The following GLIS1 variants were observed in gnomAD, a reference collection of about 807,000 sequenced individuals.
GLIS1 encodes the protein GLIS family zinc finger 1.
Under a neutral mutation model 63.8 loss-of-function variants are expected in GLIS1, and 24 were observed. That is an observed-to-expected ratio of 0.38 (90% CI 0.27 to 0.53). GLIS1 has a LOEUF of 0.53. GLIS1 is among the 20% of genes least tolerant of loss of function. GLIS1 has a pLI of 0.85. For missense variants in GLIS1, 1,036 were observed against 1,074.1 expected (o/e 0.96, Z 0.50); for synonymous variants, 450 against 482.5 (o/e 0.93, Z 0.88).
chr1:53,610,054 T>C (rs1176542995), intron 2 of GLIS1, among the ~76,000 whole-genome samples: 1 of 152,252 alleles, frequency 6.6e-6, no homozygotes, highest in Non-Finnish European at 1.5e-5. Flanking sequence ...GTGCAGTGCA[T>C]AAATGTACTT....
At chr1:53,552,554 TC>T (rs1450391180) in intron 4 of GLIS1, among the ~76,000 whole-genome samples, 1 of 152,368 alleles carries the variant, frequency 6.6e-6, no homozygotes, top group Non-Finnish European at 1.5e-5. Context: ...CCTCTGGTTT[TC>T]CTCTGGGGTG....
rs1557496435 is a variant in GLIS1, at chr1:53,639,970, TAACA to T, written c.260-39696_260-39693del. ...TCCACAGAAACAGGGATACTACACT[TAACA>T]AACACGAGCATGGTGAGATTTAAAT... On this transcript the variant is annotated intron_variant, in intron 2 of 10. Transcript: ENST00000628545. The surrounding 1 kb of genome is among the most constrained non-coding windows in gnomAD (Gnocchi z 4.6). Among the ~76,000 whole-genome samples, 1 of 152,204 alleles carries T rather than the reference TAACA, an allele frequency of 6.6e-6. No homozygotes were observed. Among genetic ancestry groups the T allele is most frequent in the Non-Finnish European group, 1.5e-5 (1 of 68,042 alleles).
At chr1:53,664,853 G>A (rs940303391) in intron 2 of GLIS1, among the ~76,000 whole-genome samples, 1 of 152,162 alleles carries the variant, frequency 6.6e-6, no homozygotes, top group African/African-American at 2.4e-5. Context: ...TTTCTTGGGG[G>A]ACAGTATTCC....
At chr1:53,528,483 G>A (rs1024622666) in intron 5 of GLIS1, among the ~76,000 whole-genome samples, 4 of 152,160 alleles carry the variant, frequency 2.6e-5, no homozygotes, top group African/African-American at 9.7e-5. Context: ...CCCCATCTTG[G>A]TTGGTCACCA....
chr1:53,530,025 A>AG, intron 4 of GLIS1, 73 bp from the exon 5 acceptor site: 1 of 1,450,532 alleles, frequency 6.9e-7, no homozygotes, highest in East Asian at 2.4e-5. Flanking sequence ...CTAACCCCCC[A>AG]GGCCTGCCTG....
chr1:53,514,730 A>G lies in GLIS1; in HGVS notation c.1778T>C (p.Leu593Pro), dbSNP rs575417991. The change falls in exon 8 of 11, where the codon CTG (leucine) becomes CCG (proline). Residue 593 changes from leucine to proline, a missense_variant. By Grantham distance (98) the Leu-to-Pro change is moderately conservative. This residue lies in a region of GLIS1 where 400 missense variants were observed against 400.9 expected (regional missense o/e 1.00). Coordinates refer to ENST00000628545, the MANE Select transcript of GLIS1 (RefSeq NM_001367484.1). ...TPHNGLASGL[L>P]PPAHDVPSRH... Reference sequence around the variant, plus strand: ...GGAAGGTACGTCGTGCGCTGGGGGCAGGAGGCCCGATGCAAGTCCGTTATG... The same window carrying G: ...GGAAGGTACGTCGTGCGCTGGGGGCGGGAGGCCCGATGCAAGTCCGTTATG... The G allele has an allele frequency of 6.2e-7, 1 of 1,612,024 alleles. No individual in the cohort carries two copies. The highest frequency in any genetic ancestry group is 1.3e-5 in the African/African-American group (1 of 74,886).
chr1:53,604,861 C>T (rs368760766), intron 2 of GLIS1, among the ~76,000 whole-genome samples: 3 of 151,604 alleles, frequency 2.0e-5, no homozygotes, highest in East Asian at 3.9e-4. Context: ...GTATATAGTC[C>T]CTGCCACAAC....
chr1:53,559,472 C>T (rs1003958597), intron 4 of GLIS1, among the ~76,000 whole-genome samples: 4 of 152,200 alleles, frequency 2.6e-5, no homozygotes, highest in South Asian at 2.1e-4. Flanking sequence ...CCCATCCTTC[C>T]GAGCCTGCTC....
intron 2 of GLIS1, among the ~76,000 whole-genome samples, chr1:53,605,579 T>C (rs149145772): frequency 2.0e-5 from 3 of 152,354 alleles, no homozygotes; most frequent in African/African-American, 7.2e-5. Context: ...TACTCTCTAC[T>C]GCCACACAGA....
intron 2 of GLIS1, among the ~76,000 whole-genome samples, chr1:53,667,246 G>A (rs915228257): frequency 2.6e-5 from 4 of 152,202 alleles, no homozygotes; most frequent in Non-Finnish European, 5.9e-5. Flanking sequence ...TTCACTCCAG[G>A]TGTATCAACC....
intron 4 of GLIS1, among the ~76,000 whole-genome samples, chr1:53,549,948 C>T (rs1308013913): frequency 2.6e-5 from 4 of 152,182 alleles, no homozygotes; most frequent in Non-Finnish European, 4.4e-5. Context: ...GGGAAGGTCA[C>T]GCCCACCCTT....
chr1:53,709,894 G>A (rs1646628398), intron 2 of GLIS1, among the ~76,000 whole-genome samples: 1 of 152,186 alleles, frequency 6.6e-6, no homozygotes, highest in Non-Finnish European at 1.5e-5. Flanking sequence ...AAGCCTTATT[G>A]TTGGGAGACT....
intron 2 of GLIS1, among the ~76,000 whole-genome samples, chr1:53,728,866 C>G (rs1488084238): frequency 6.6e-6 from 1 of 152,238 alleles, no homozygotes; most frequent in African/African-American, 2.4e-5. Flanking sequence ...GATCAAAGGG[C>G]TCAGATTTTT....
chr1:53,681,663 G>A (rs1312525470), intron 2 of GLIS1, among the ~76,000 whole-genome samples: 1 of 152,176 alleles, frequency 6.6e-6, no homozygotes, highest in Non-Finnish European at 1.5e-5. Flanking sequence ...CTACTAAGGA[G>A]AGGTAGGAAA....
At chr1:53,668,681 G>A (rs1646120422) in intron 2 of GLIS1, among the ~76,000 whole-genome samples, 1 of 152,120 alleles carries the variant, frequency 6.6e-6, no homozygotes, top group Non-Finnish European at 1.5e-5. Flanking sequence ...ATATGTTTTA[G>A]ATACACAAAT....
At chr1:53,562,851 T>C (rs1339283199) in intron 4 of GLIS1, among the ~76,000 whole-genome samples, 2 of 152,246 alleles carry the variant, frequency 1.3e-5, no homozygotes. Flanking sequence ...CATCATCTAG[T>C]AGTTATTCTT....
chr1:53,588,590 G>A (rs767041553), intron 4 of GLIS1, among the ~76,000 whole-genome samples: 1 of 152,212 alleles, frequency 6.6e-6, no homozygotes, highest in Non-Finnish European at 1.5e-5. Flanking sequence ...TAATTCCCTG[G>A]GATGAGCTTC....
intron 2 of GLIS1, among the ~76,000 whole-genome samples, chr1:53,651,603 A>C (rs940485705): frequency 6.6e-6 from 1 of 152,196 alleles, no homozygotes; most frequent in African/African-American, 2.4e-5. Flanking sequence ...GGCCAGGCAC[A>C]GTGGCCTCAC....
At chr1:53,540,353 G>A (rs1055340433) in intron 4 of GLIS1, among the ~76,000 whole-genome samples, 2 of 152,126 alleles carry the variant, frequency 1.3e-5, no homozygotes, top group African/African-American at 4.8e-5. Context: ...GAATAAAACG[G>A]TCTCTCCAGG....
Sources: allele counts gnomAD v4.1 joint callset (sites outside exome capture counted in the v4.1 genomes callset), GRCh38; gene constraint gnomAD v4.1.1; regional missense constraint gnomAD v4.1.1; non-coding constraint Gnocchi (gnomAD v3.1); transcripts MANE v1.5; gene names NCBI Gene and HGNC (gene_info 2026-07-23, HGNC 2026-07-21).